The following LPP variants were observed in gnomAD, a reference collection of about 807,000 sequenced individuals.
LPP encodes LIM domain containing preferred translocation partner in lipoma.
LPP carries 38 observed loss-of-function variants against 60.4 expected under a neutral mutation model. That is an observed-to-expected ratio of 0.63 (90% CI 0.49 to 0.83). The LOEUF is 0.83. Ranked by LOEUF, LPP falls within the 40% of genes least tolerant of loss-of-function variation. LPP has a pLI of 0.00. For synonymous variants in LPP, 328 were observed against 290.8 expected, an observed-to-expected ratio of 1.13 and a Z score of -1.30; for missense variants, 902 against 783.6, an observed-to-expected ratio of 1.15 and a Z score of -1.80.
intron 1 of LPP, among the ~76,000 whole-genome samples, chr3:188,211,495 T>C (rs963952760): frequency 5.9e-5 from 9 of 152,120 alleles, no homozygotes; most frequent in African/African-American, 2.2e-4. Context: ...ACCTCCTATA[T>C]CCCGACACAC....
intron 2 of LPP, among the ~76,000 whole-genome samples, chr3:188,322,303 C>A (rs1578097291): frequency 6.6e-6 from 1 of 152,156 alleles, no homozygotes. Flanking sequence ...GACTTATAGG[C>A]CCTCAGGCTT....
chr3:188,658,557 C>T (rs558550787), intron 7 of LPP, among the ~76,000 whole-genome samples: 9 of 152,348 alleles, frequency 5.9e-5, no homozygotes, highest in African/African-American at 1.9e-4. Flanking sequence ...TTGGCTGCTT[C>T]TTCCTGGCAT....
chr3:188,771,649 G>A (rs905504034), intron 9 of LPP, among the ~76,000 whole-genome samples: 1 of 152,112 alleles, frequency 6.6e-6, no homozygotes, highest in African/African-American at 2.4e-5. Context: ...ATGGTTATAG[G>A]GTGAAATGAG....
chr3:188,589,751 T>C (rs1057121890), intron 6 of LPP, among the ~76,000 whole-genome samples: 2 of 152,332 alleles, frequency 1.3e-5, no homozygotes, highest in East Asian at 3.9e-4. Flanking sequence ...AACATGGTAA[T>C]TGGTAATTTC....
intron 3 of LPP, among the ~76,000 whole-genome samples, chr3:188,389,789 A>AT (rs1480482458): frequency 6.9e-6 from 1 of 145,386 alleles, no homozygotes; most frequent in Non-Finnish European, 1.5e-5. Context: ...AAAAAAAAAA[A>AT]AAAAATGGGA....
chr3:188,582,199 C>T (rs1836392816), intron 6 of LPP, among the ~76,000 whole-genome samples: 2 of 130,610 alleles, frequency 1.5e-5, no homozygotes, highest in African/African-American at 5.7e-5. Context: ...CTCATTCTGT[C>T]ACCCAGGCTG....
At chr3:188,248,268 G>A (rs899516495) in intron 2 of LPP, among the ~76,000 whole-genome samples, 2 of 151,480 alleles carry the variant, frequency 1.3e-5, no homozygotes, top group African/African-American at 4.9e-5. Context: ...AAGGGTTAGC[G>A]TTTTTTTGCA....
intron 9 of LPP, among the ~76,000 whole-genome samples, chr3:188,797,018 A>G (rs1745569831): frequency 6.6e-6 from 1 of 152,142 alleles, no homozygotes; most frequent in African/African-American, 2.4e-5. Flanking sequence ...CAAGGCTTCC[A>G]TCTCCACAGA....
chr3:188,255,406 C>G (rs916094631), intron 2 of LPP, among the ~76,000 whole-genome samples: 1 of 152,172 alleles, frequency 6.6e-6, no homozygotes, highest in Non-Finnish European at 1.5e-5. Context: ...TGGTGCTTTT[C>G]CTCTATGCCT....
chr3:188,336,435 G>T (rs1184370362), intron 2 of LPP, among the ~76,000 whole-genome samples: 1 of 152,186 alleles, frequency 6.6e-6, no homozygotes, highest in Admixed American at 6.5e-5. Context: ...AGGGAAGTTT[G>T]GACCCAGAGA....
intron 4 of LPP, among the ~76,000 whole-genome samples, chr3:188,457,187 A>G (rs1246998774): frequency 6.6e-6 from 1 of 152,228 alleles, no homozygotes; most frequent in Non-Finnish European, 1.5e-5. Flanking sequence ...ACGTCTTCAC[A>G]TTGACCCTGC....
At chr3:188,400,490 G>T (rs1781988554) in intron 3 of LPP, among the ~76,000 whole-genome samples, 1 of 152,160 alleles carries the variant, frequency 6.6e-6, no homozygotes, top group Non-Finnish European at 1.5e-5. Flanking sequence ...ATAAACACTT[G>T]TTTATTGTCA....
rs552878241 is a variant in LPP, at chr3:188,707,143, G to A, written c.1114-1124G>A. 1.3e-4 allele frequency among the ~76,000 whole-genome samples: 19 copies of A among 151,888 alleles called. No homozygotes were observed. In the South Asian group the frequency reaches 3.1e-3, roughly 25 times the overall value. On this transcript the variant is annotated intron_variant, in intron 7 of 11. Coordinates refer to ENST00000617246, the MANE Select transcript of LPP (RefSeq NM_001375462.1). ...GCATTGCTATAATTCTGGCTCGCCC[G>A]CCTATTTATTTTTTAATTTTTTTTT...
At chr3:188,423,024 C>T (rs1271164074) in intron 4 of LPP, among the ~76,000 whole-genome samples, 1 of 151,032 alleles carries the variant, frequency 6.6e-6, no homozygotes, top group Non-Finnish European at 1.5e-5. Flanking sequence ...TAGGTATACA[C>T]ATGCCATGGT....
At chr3:188,779,235 T>A (rs1336861000) in intron 9 of LPP, among the ~76,000 whole-genome samples, 1 of 152,126 alleles carries the variant, frequency 6.6e-6, no homozygotes, top group Non-Finnish European at 1.5e-5. Flanking sequence ...CTGATGATAG[T>A]GTGCTTGAGA....
chr3:188,250,724 C>CTT (rs796865739), intron 2 of LPP, among the ~76,000 whole-genome samples: 10 of 118,600 alleles, frequency 8.4e-5, no homozygotes, highest in East Asian at 4.8e-4. Flanking sequence ...CTTTCTTTCT[C>CTT]TCTTTCTTTC....
intron 4 of LPP, among the ~76,000 whole-genome samples, chr3:188,427,612 G>C (rs1300141229): frequency 1.2e-4 from 19 of 152,184 alleles, no homozygotes; most frequent in Admixed American, 1.2e-3. Flanking sequence ...GCCCTGCCCA[G>C]AGAGGAGGAA....
chr3:188,260,074 G>A (rs1733035988), intron 2 of LPP, among the ~76,000 whole-genome samples: 1 of 151,944 alleles, frequency 6.6e-6, no homozygotes, highest in Non-Finnish European at 1.5e-5. Context: ...TTAAGGCAGA[G>A]TCTCTTTCTG....
chr3:188,403,986 C>A (rs1203570999), intron 3 of LPP, among the ~76,000 whole-genome samples: 2 of 152,128 alleles, frequency 1.3e-5, no homozygotes, highest in Admixed American at 1.3e-4. Context: ...CCAGTACCAT[C>A]ACTGGCTTCA....
Sources: gnomAD v4.1 joint callset for allele counts (sites outside exome capture counted in the v4.1 genomes callset) on GRCh38, gnomAD v4.1.1 for gene constraint, MANE v1.5 for transcripts, NCBI Gene and HGNC (gene_info 2026-07-23, HGNC 2026-07-21) for gene names.